Variants in BACH2 observed in about 807,000 individuals in gnomAD.
BACH2 encodes BACH transcriptional regulator 2, also known as transcription regulator protein BACH2.
BACH2 carries 5 observed loss-of-function variants against 61.8 expected under a neutral mutation model. The ratio of observed to expected loss-of-function variants is 0.08; its 90% CI spans 0.04 to 0.17. The LOEUF is 0.17. Among genes scored for constraint, BACH2 ranks in the 10% least tolerant of loss-of-function variants. BACH2 has a pLI of 1.00. For missense variants in BACH2, 824 were observed against 1,091.1 expected (o/e 0.76, Z 3.45); for synonymous variants, 446 against 440.1 (o/e 1.01, Z -0.17).
chr6:90,120,723 G>A (rs535656918), intron 4 of BACH2, among the ~76,000 whole-genome samples: 14 of 152,258 alleles, frequency 9.2e-5, no homozygotes, highest in African/African-American at 2.9e-4. Flanking sequence ...TAATCAACTG[G>A]ATGGATCAAT....
At chr6:90,185,634 A>C (rs1207093396) in intron 4 of BACH2, among the ~76,000 whole-genome samples, 2 of 152,174 alleles carry the variant, frequency 1.3e-5, no homozygotes, top group Admixed American at 6.5e-5. Flanking sequence ...AGGTTACTTA[A>C]ATTAAGAAGA....
intron 6 of BACH2, among the ~76,000 whole-genome samples, chr6:89,983,003 G>C (rs931013210): frequency 3.9e-5 from 6 of 152,160 alleles, no homozygotes; most frequent in African/African-American, 9.7e-5. Context: ...AGAAGGCAGG[G>C]ACCACAGGAC....
intron 1 of BACH2, among the ~76,000 whole-genome samples, chr6:90,278,155 A>T (rs1411735113): frequency 1.3e-5 from 2 of 152,228 alleles, no homozygotes; most frequent in Admixed American, 1.3e-4. Context: ...GTCAAATATT[A>T]AAGCTTCAAT....
At chr6:89,937,138 A>C (rs1744157485) in intron 8 of BACH2, among the ~76,000 whole-genome samples, 1 of 152,074 alleles carries the variant, frequency 6.6e-6, no homozygotes, top group Non-Finnish European at 1.5e-5. Context: ...TTTCTGTGAC[A>C]AAACACTCTC....
chr6:90,015,174 C>T (rs1357504534), intron 5 of BACH2, among the ~76,000 whole-genome samples: 1 of 152,146 alleles, frequency 6.6e-6, no homozygotes, highest in African/African-American at 2.4e-5. Context: ...TTTGTGTCTT[C>T]TCTTTCTGAT....
intron 6 of BACH2, among the ~76,000 whole-genome samples, chr6:89,980,351 A>G (rs1775883899): frequency 6.6e-6 from 1 of 152,190 alleles, no homozygotes; most frequent in Non-Finnish European, 1.5e-5. Flanking sequence ...ATCCTTGGTA[A>G]AATGAAAACT....
At position 89,951,648 on chromosome 6, in the gene BACH2, T is replaced by C; in HGVS notation, c.458A>G (p.His153Arg). The change falls in exon 7 of 9, where the codon CAC becomes CGC. Residue 153 changes from histidine (H) to arginine (R), a missense_variant. Around this residue, in one of 8 missense-constraint regions of BACH2, gnomAD observed 107 missense variants for 121.7 expected, o/e 0.88. Coordinates refer to ENST00000257749, the MANE Select transcript of BACH2 (RefSeq NM_021813.4). The surrounding 1 kb of genome is among the most constrained non-coding windows in gnomAD (Gnocchi z 6.4). ...CRKDAACQRP[H>R]EDCENSAGEE... The stretch of plus-strand genomic sequence containing the variant: ...TCCTGCAGAGTTCTCGCAGTCCTCG[T>C]GTGGGCGCTGGCACGCAGCATCCTT... 6.2e-7 allele frequency: 1 copy of C among 1,614,200 alleles called. No homozygotes were observed. Among genetic ancestry groups the C allele is most frequent in the Non-Finnish European group, 8.5e-7 (1 of 1,180,032 alleles).
chr6:90,066,250 C>T (rs1780958045), intron 5 of BACH2, among the ~76,000 whole-genome samples: 1 of 152,148 alleles, frequency 6.6e-6, no homozygotes, highest in Non-Finnish European at 1.5e-5. Flanking sequence ...GATCAAAGAA[C>T]ACTGCACAGG....
intron 6 of BACH2, among the ~76,000 whole-genome samples, chr6:89,996,100 ATC>A (rs1171038078): frequency 6.6e-6 from 1 of 152,100 alleles, no homozygotes; most frequent in Non-Finnish European, 1.5e-5. Context: ...TGTTCCTCCT[ATC>A]TGTCTATACC....
chr6:90,123,409 G>A (rs1783712062), intron 4 of BACH2, among the ~76,000 whole-genome samples: 1 of 152,166 alleles, frequency 6.6e-6, no homozygotes, highest in African/African-American at 2.4e-5. Context: ...GTTTTAAATT[G>A]TCCAGTTTGT....
intron 2 of BACH2, among the ~76,000 whole-genome samples, chr6:90,257,142 T>C (rs1771004652): frequency 6.6e-6 from 1 of 152,218 alleles, no homozygotes; most frequent in Non-Finnish European, 1.5e-5. Context: ...GACACTTAGG[T>C]TGTTTCCATA....
intron 6 of BACH2, among the ~76,000 whole-genome samples, chr6:89,985,617 G>A (rs1057415286): frequency 6.6e-6 from 1 of 152,170 alleles, no homozygotes; most frequent in Non-Finnish European, 1.5e-5. Context: ...GCTGGGCAGG[G>A]GCTCTGCAGC....
chr6:90,287,584 A>T (rs2127890398), intron 1 of BACH2, among the ~76,000 whole-genome samples: 1 of 152,300 alleles, frequency 6.6e-6, no homozygotes, highest in Non-Finnish European at 1.5e-5. Flanking sequence ...TCACTGACAA[A>T]TGTATTATTA....
At chr6:90,238,232 A>T (rs977997601) in intron 3 of BACH2, among the ~76,000 whole-genome samples, 3 of 152,198 alleles carry the variant, frequency 2.0e-5, no homozygotes, top group Non-Finnish European at 4.4e-5. Flanking sequence ...TCGATCGATC[A>T]TCTATCTATG....
intron 3 of BACH2, among the ~76,000 whole-genome samples, chr6:90,228,002 A>G (rs1346010853): frequency 6.6e-6 from 1 of 152,236 alleles, no homozygotes; most frequent in African/African-American, 2.4e-5. Context: ...TTCCACTTGT[A>G]AATTACCTGT....
intron 3 of BACH2, among the ~76,000 whole-genome samples, chr6:90,248,872 C>T (rs1271098580): frequency 6.6e-6 from 1 of 152,146 alleles, no homozygotes; most frequent in Non-Finnish European, 1.5e-5. Flanking sequence ...TACCCTGTCC[C>T]AAGGGCCCAG....
intron 2 of BACH2, among the ~76,000 whole-genome samples, chr6:90,267,673 A>G (rs1303842637): frequency 6.6e-6 from 1 of 152,204 alleles, no homozygotes; most frequent in African/African-American, 2.4e-5. Context: ...AAACTATGGT[A>G]CAACGATACC....
chr6:90,257,610 T>C (rs1450081669), intron 2 of BACH2, among the ~76,000 whole-genome samples: 1 of 152,188 alleles, frequency 6.6e-6, no homozygotes, highest in Non-Finnish European at 1.5e-5. Flanking sequence ...CCTGATAAAT[T>C]TTGGCTACTA....
intron 4 of BACH2, among the ~76,000 whole-genome samples, chr6:90,109,289 C>T (rs892635436): frequency 3.9e-5 from 6 of 152,116 alleles, no homozygotes; most frequent in African/African-American, 7.2e-5. Flanking sequence ...TTGACTCAGT[C>T]GTCAACTTCC....
Sources: allele counts gnomAD v4.1 joint callset (sites outside exome capture counted in the v4.1 genomes callset), GRCh38; gene constraint gnomAD v4.1.1; regional missense constraint gnomAD v4.1.1; non-coding constraint Gnocchi (gnomAD v3.1); transcripts MANE v1.5; gene names NCBI Gene and HGNC (gene_info 2026-07-23, HGNC 2026-07-21).